SOX5: variants seen among roughly 807,000 people sequenced by gnomAD.
SOX5 encodes transcription factor SOX-5.
A neutral mutation model predicts 92.0 loss-of-function variants in SOX5; 9 were observed. That is an observed-to-expected ratio of 0.10 (90% CI 0.06 to 0.17). SOX5 has a LOEUF of 0.17. Among genes scored for constraint, SOX5 ranks in the 10% least tolerant of loss-of-function variants. The pLI is 1.00. For synonymous variants in SOX5, 344 were observed against 336.3 expected (o/e 1.02, Z -0.25); for missense variants, 642 against 944.5 (o/e 0.68, Z 4.20).
At chr12:24,056,887 A>G (rs2137209963) in intron 4 of SOX5, among the ~76,000 whole-genome samples, 1 of 141,990 alleles carries the variant, frequency 7.0e-6, no homozygotes, top group East Asian at 2.1e-4. Context: ...AGGCAGGAGA[A>G]TGGCGTGAAC....
chr12:24,129,526 T>C (rs1191800987), intron 4 of SOX5, among the ~76,000 whole-genome samples: 1 of 152,168 alleles, frequency 6.6e-6, no homozygotes, highest in African/African-American at 2.4e-5. Flanking sequence ...CAGGGATGGA[T>C]GGGCATATAC....
chr12:24,299,914 A>T (rs952821635), intron 2 of SOX5, among the ~76,000 whole-genome samples: 2 of 152,188 alleles, frequency 1.3e-5, no homozygotes, highest in Non-Finnish European at 2.9e-5. Context: ...ATTTGCTAAG[A>T]CTAAAGAGGC....
intron 6 of SOX5, among the ~76,000 whole-genome samples, chr12:23,697,169 T>C (rs1031241688): frequency 6.6e-6 from 1 of 152,214 alleles, no homozygotes; most frequent in African/African-American, 2.4e-5. Context: ...AAGAGGATTA[T>C]TGAAATATCC....
chr12:24,238,329 T>C (rs763523526), intron 3 of SOX5, among the ~76,000 whole-genome samples: 50 of 152,176 alleles, frequency 3.3e-4, no homozygotes, highest in Admixed American at 3.3e-3. Flanking sequence ...TAGGGAGCCA[T>C]GCTCTGCACT....
intron 8 of SOX5, among the ~76,000 whole-genome samples, chr12:23,626,671 C>CTTTT (rs370910356): frequency 0.025 from 2,905 of 116,422 alleles, 144 homozygotes; most frequent in African/African-American, 0.061. Flanking sequence ...TTCATTAGTG[C>CTTTT]TTTTTTTTTT....
At chr12:23,939,434 G>A (rs1943204259) in intron 1 of SOX5, among the ~76,000 whole-genome samples, 1 of 150,544 alleles carries the variant, frequency 6.6e-6, no homozygotes, top group African/African-American at 2.4e-5. Context: ...CCCATTCTTT[G>A]TGCCTAAATT....
intron 1 of SOX5, among the ~76,000 whole-genome samples, chr12:23,915,635 C>T (rs1202397231): frequency 6.6e-6 from 1 of 151,384 alleles, no homozygotes; most frequent in Non-Finnish European, 1.5e-5. Context: ...ATACCAAAAC[C>T]CCATCCCATT....
chr12:24,134,301 G>A (rs896664961), intron 4 of SOX5, among the ~76,000 whole-genome samples: 2 of 152,136 alleles, frequency 1.3e-5, no homozygotes, highest in Non-Finnish European at 2.9e-5. Flanking sequence ...AAAAACCACT[G>A]CTGTGAGAAA....
intron 2 of SOX5, among the ~76,000 whole-genome samples, chr12:24,304,629 T>C (rs1168223400): frequency 6.6e-6 from 1 of 152,164 alleles, no homozygotes; most frequent in East Asian, 1.9e-4. Context: ...ACTCGCTTCG[T>C]ATTTTAGCTC....
chr12:23,726,632 A>G (rs1015413296), intron 6 of SOX5, among the ~76,000 whole-genome samples: 5 of 152,166 alleles, frequency 3.3e-5, no homozygotes, highest in African/African-American at 1.2e-4. Context: ...AAGCAATGAT[A>G]GTCCCTATTT....
chr12:24,089,964 G>C (rs973565122), intron 4 of SOX5, among the ~76,000 whole-genome samples: 1 of 152,020 alleles, frequency 6.6e-6, no homozygotes, highest in Non-Finnish European at 1.5e-5. Flanking sequence ...GCAGCATGTA[G>C]GTATTTTTTT....
chr12:24,178,760 T>C (rs1346491961), intron 4 of SOX5, among the ~76,000 whole-genome samples: 3 of 152,232 alleles, frequency 2.0e-5, no homozygotes, highest in Admixed American at 2.0e-4. Context: ...TATATGCTAC[T>C]GTATAAAGTA....
intron 1 of SOX5, among the ~76,000 whole-genome samples, chr12:24,469,145 G>A (rs2137601673): frequency 6.6e-6 from 1 of 152,276 alleles, no homozygotes; most frequent in Middle Eastern, 3.4e-3. Context: ...GGATCATCAG[G>A]CATTAGATTC....
At position 23,875,996 on chromosome 12, in the gene SOX5, T is replaced by A. The variant is rs181909551; in HGVS notation, c.270+19797A>T. On this transcript the variant is annotated intron_variant, in intron 2 of 14. Coordinates refer to ENST00000451604, the MANE Select transcript of SOX5 (RefSeq NM_006940.6). ...AGTGTGGCTCTGTTCAATAGAACTG[T>A]ATTCACAAATTTACAAGCAGTGGGC... 1.8e-4 allele frequency among the ~76,000 whole-genome samples: 28 copies of A among 152,296 alleles called. No individual in the cohort carries two copies. In the East Asian group the frequency reaches 4.1e-3, roughly 22 times the overall value.
At chr12:24,172,103 G>A (rs11047295) in intron 4 of SOX5, among the ~76,000 whole-genome samples, 7,835 of 63,594 alleles carry the variant, frequency 0.12, 207 homozygotes, top group Middle Eastern at 0.18. Flanking sequence ...GCGTGCGCGC[G>A]TGTGTGTCTG....
At chr12:24,318,900 T>G (rs1460779297) in intron 2 of SOX5, among the ~76,000 whole-genome samples, 1 of 152,192 alleles carries the variant, frequency 6.6e-6, no homozygotes, top group Non-Finnish European at 1.5e-5. Flanking sequence ...CAGTGACTAT[T>G]CTACAGATTA....
chr12:24,149,191 C>T (rs1403524651), intron 4 of SOX5, among the ~76,000 whole-genome samples: 1 of 151,924 alleles, frequency 6.6e-6, no homozygotes, highest in Non-Finnish European at 1.5e-5. Context: ...TTGGATACTA[C>T]AGCAAAAGAA....
intron 2 of SOX5, among the ~76,000 whole-genome samples, chr12:23,885,770 T>A (rs1000143371): frequency 6.6e-6 from 1 of 152,108 alleles, no homozygotes; most frequent in Non-Finnish European, 1.5e-5. Context: ...CACCTTAAGT[T>A]AGGTTTACAT....
At chr12:24,191,512 G>C (rs748002268) in intron 4 of SOX5, among the ~76,000 whole-genome samples, 12 of 152,076 alleles carry the variant, frequency 7.9e-5, no homozygotes, top group Non-Finnish European at 1.5e-4. Flanking sequence ...CTTGTTCCCC[G>C]GACACCTGCT....
Sources: allele counts gnomAD v4.1 joint callset (sites outside exome capture counted in the v4.1 genomes callset), GRCh38; gene constraint gnomAD v4.1.1; transcripts MANE v1.5; gene names NCBI Gene and HGNC (gene_info 2026-07-23, HGNC 2026-07-21).